AHNAK: variants seen among roughly 807,000 people sequenced by gnomAD.
AHNAK encodes neuroblast differentiation-associated protein AHNAK.
AHNAK carries 23 observed loss-of-function variants against 37.8 expected under a neutral mutation model. The observed-to-expected ratio is 0.61, with a 90% CI of 0.44 to 0.86. The LOEUF (loss-of-function observed/expected upper bound fraction) is 0.86, where lower values mean the gene tolerates loss of function less well. AHNAK is among the 40% of genes least tolerant of loss of function. The pLI, the probability that AHNAK is intolerant of heterozygous loss-of-function variation, is 0.00. For missense variants in AHNAK, 7,411 were observed against 7,319.4 expected (o/e 1.01, Z -0.46); for synonymous variants, 2,481 against 2,636.3 (o/e 0.94, Z 1.80).
In AHNAK at chr11:62,524,555, C is replaced by T; in HGVS notation, c.9862G>A (p.Val3288Ile). The change falls in exon 5 of 5, where the codon GTA becomes ATA. Residue 3288 changes from valine to isoleucine, a missense_variant. Coordinates refer to ENST00000378024, the MANE Select transcript of AHNAK (RefSeq NM_001620.3). ...GGCATGGAGATCTTGGGCATGTTTA[C>T]ATGCATGTCAGGCATCTTCAGTTTT... Reference protein sequence around the residue: ...GPKLKMPDMHVNMPKISMPEI... With the variant: ...GPKLKMPDMHINMPKISMPEI... 6.2e-7 allele frequency: 1 copy of T among 1,613,838 alleles called. No homozygotes were observed. The highest frequency in any genetic ancestry group is 8.5e-7 in the Non-Finnish European group (1 of 1,179,922).
chr11:62,521,704 G>A lies in AHNAK; in HGVS notation c.12713C>T (p.Ala4238Val), dbSNP rs370007158. 4.0e-4 allele frequency: 638 copies of A among 1,613,892 alleles called. 11 individuals are homozygous for A. In the South Asian group the frequency reaches 6.1e-3, roughly 15 times the overall value. The change falls in exon 5 of 5, where the codon GCG becomes GTG. Residue 4238 changes from alanine to valine, a missense_variant. Coordinates refer to ENST00000378024, the MANE Select transcript of AHNAK (RefSeq NM_001620.3). ...CTTGAATTTAGGGCCCTTTAGTTTC[G>A]CATCTGGACCTTCGATATTCACATC... is the stretch of plus-strand genomic sequence containing the variant. Reference protein sequence around the residue: ...VPDVNIEGPDAKLKGPKFKMP... With the variant: ...VPDVNIEGPDVKLKGPKFKMP...
chr11:62,445,492 T>C (rs2509986), intron 5 of AHNAK, among the ~76,000 whole-genome samples: 1 of 152,094 alleles, frequency 6.6e-6, no homozygotes, highest in African/African-American at 2.4e-5. Flanking sequence ...CTGGGCCCCA[T>C]GCCATCATTC....
rs868353250 is a variant in AHNAK, at chr11:62,493,440, C to T, written c.343-1609G>A. ...TCCCGGGTTCAAGCAATTCTCCTGC[C>T]TCAGCCTCCCAAGTAGCTGGGATTA... On this transcript the variant is annotated intron_variant, in intron 4 of 5. Coordinates refer to the AHNAK transcript ENST00000257247. Among the ~76,000 whole-genome samples, 3 of 151,872 alleles carry T rather than the reference C, an allele frequency of 2.0e-5. No individual in the cohort carries two copies. The South Asian group carries it at 6.3e-4, about 32-fold the overall frequency.
At position 62,515,997 on chromosome 11, in the gene AHNAK, C is replaced by T; in HGVS notation, c.*747G>A. 2 of 1,165,622 alleles carry T rather than the reference C, an allele frequency of 1.7e-6. No homozygotes were observed. Among genetic ancestry groups the T allele is most frequent in the Non-Finnish European group, 2.2e-6 (2 of 928,290 alleles). The allele number at this position is 1,165,622 out of a possible 1,614,324, so 72.2% of individuals were successfully genotyped here. On this transcript the variant is annotated 3_prime_UTR_variant, in exon 5 of 5. Coordinates refer to ENST00000378024, the MANE Select transcript of AHNAK (RefSeq NM_001620.3). ...TTAAAGTGCTGGAAATTTTCTTAAT[C>T]ATGATAACATTTGTTAAAAAGAAAT...
intron 5 of AHNAK, among the ~76,000 whole-genome samples, chr11:62,467,520 A>T (rs944426665): frequency 2.3e-4 from 35 of 152,106 alleles, no homozygotes; most frequent in African/African-American, 7.5e-4. Context: ...TCTCATCTCT[A>T]CTGAAAATAC....
intron 5 of AHNAK, among the ~76,000 whole-genome samples, chr11:62,487,584 C>G (rs1939418711): frequency 6.6e-6 from 1 of 152,228 alleles, no homozygotes; most frequent in African/African-American, 2.4e-5. Flanking sequence ...GCAACCTCCC[C>G]CTCCCGGGTT....
chr11:62,520,787 G>C lies in AHNAK; in HGVS notation c.13630C>G (p.Leu4544Val). 1 of 1,613,998 alleles carries C rather than the reference G, an allele frequency of 6.2e-7. No homozygotes were observed. Among genetic ancestry groups the C allele is most frequent in the Non-Finnish European group, 8.5e-7 (1 of 1,179,982 alleles). The change falls in exon 5 of 5, where the codon CTG becomes GTG. Residue 4544 changes from leucine to valine, a missense_variant. By Grantham distance (32) the Leu-to-Val change is conservative. Coordinates refer to ENST00000378024, the MANE Select transcript of AHNAK (RefSeq NM_001620.3). ...KGDMDISVPK[L>V]EGDLKGPKVD... The stretch of plus-strand genomic sequence containing the variant: ...TTGGGACCTTTCAGATCTCCCTCCA[G>C]TTTAGGAACGGAAATGTCCATATCT...
At chr11:62,473,079 C>G (rs1283502530) in intron 5 of AHNAK, among the ~76,000 whole-genome samples, 1 of 91,944 alleles carries the variant, frequency 1.1e-5, no homozygotes, top group African/African-American at 4.9e-5. Context: ...AGCAAGACTC[C>G]ATCTCAAAAA....
chr11:62,456,118 C>T (rs753489497), intron 5 of AHNAK, among the ~76,000 whole-genome samples: 4 of 152,102 alleles, frequency 2.6e-5, no homozygotes, highest in South Asian at 2.1e-4. Context: ...CATGTGAGGA[C>T]GCAGGGAAAA....
chr11:62,479,036 C>T (rs948362961), intron 5 of AHNAK, among the ~76,000 whole-genome samples: 3 of 151,974 alleles, frequency 2.0e-5, no homozygotes, highest in African/African-American at 7.2e-5. Flanking sequence ...CCACTGCGCT[C>T]GGCTAATTTC....
chr11:62,477,597 T>A (rs1324337974), intron 5 of AHNAK, among the ~76,000 whole-genome samples: 1 of 151,436 alleles, frequency 6.6e-6, no homozygotes, highest in South Asian at 2.1e-4. Context: ...AGGTCAGGAG[T>A]TCGAGACCAG....
intron 1 of AHNAK, among the ~76,000 whole-genome samples, chr11:62,540,801 G>A (rs1235172760): frequency 2.6e-5 from 4 of 152,176 alleles, no homozygotes; most frequent in South Asian, 2.1e-4. Context: ...CTGACGCTGC[G>A]GGACAGACTG....
Position 62,532,395 on chromosome 11 carries a change from C to G in AHNAK, c.2022G>C (p.Glu674Asp), listed in dbSNP as rs1289697581. 6.2e-7 allele frequency: 1 copy of G among 1,614,040 alleles called. No homozygotes were observed. Among genetic ancestry groups the G allele is most frequent in the African/African-American group, 1.3e-5 (1 of 74,924 alleles). Residue 674 changes from glutamate to aspartate, a missense_variant, in exon 5 of 5, where the codon GAG becomes GAC. Glu to Asp is a conservative substitution (Grantham distance 45, BLOSUM62 2). Coordinates refer to ENST00000378024, the MANE Select transcript of AHNAK (RefSeq NM_001620.3). ...VNVEAPDVNLEGLGGKLKGPD... is the reference protein window; with the variant it reads ...VNVEAPDVNLDGLGGKLKGPD... ...GGCCTTTAAGTTTTCCCCCCAGACC[C>G]TCCAAGTTGACATCTGGGGCTTCCA... is the stretch of plus-strand genomic sequence containing the variant.
intron 4 of AHNAK, among the ~76,000 whole-genome samples, chr11:62,504,391 ATTTTCTAGGAAT>A (rs1565216640): frequency 1.3e-5 from 2 of 151,904 alleles, no homozygotes; most frequent in African/African-American, 4.8e-5. Flanking sequence ...CCTAGAATTT[ATTTTCTAGGAAT>A]TTTTCTAGGA....
chr11:62,440,183 C>G (rs115027319), intron 5 of AHNAK, among the ~76,000 whole-genome samples: 1 of 152,058 alleles, frequency 6.6e-6, no homozygotes, highest in Non-Finnish European at 1.5e-5. Context: ...AGGGGGTGGC[C>G]GGGAGGTAGA....
At chr11:62,471,649 C>A (rs1939037811) in intron 5 of AHNAK, among the ~76,000 whole-genome samples, 1 of 152,144 alleles carries the variant, frequency 6.6e-6, no homozygotes, top group Non-Finnish European at 1.5e-5. Context: ...GCTCAACCTG[C>A]ACTATCACTG....
Position 62,521,167 on chromosome 11 carries a change from G to T in AHNAK, c.13250C>A (p.Pro4417His), listed in dbSNP as rs149881478. 99 of 1,613,944 alleles carry T rather than the reference G, an allele frequency of 6.1e-5. No homozygotes were observed. In the African/African-American group the frequency reaches 1.2e-3, roughly 20 times the overall value. ...ACTGGGGCCTTTTATGTCAATTTCA[G>T]GGCCCTTGAGATCACCTTCCACTTT... is the stretch of plus-strand genomic sequence containing the variant. ...LPKVEGDLKG[P>H]EIDIKGPSLD... The change falls in exon 5 of 5, where the codon CCT (proline) becomes CAT (histidine). Residue 4417 changes from proline to histidine, a missense_variant. Physicochemically the swap from Pro to His is moderately conservative, Grantham distance 77 (BLOSUM62 -2). Transcript: ENST00000378024.
intron 5 of AHNAK, among the ~76,000 whole-genome samples, chr11:62,489,982 C>T (rs1354288771): frequency 6.6e-6 from 1 of 151,800 alleles, no homozygotes; most frequent in African/African-American, 2.4e-5. Flanking sequence ...CAGAGATTTC[C>T]CTGGGCACTC....
intron 5 of AHNAK, among the ~76,000 whole-genome samples, chr11:62,434,640 C>T (rs1938119110): frequency 6.6e-6 from 1 of 152,062 alleles, no homozygotes; most frequent in African/African-American, 2.4e-5. Context: ...ACAAATCCAG[C>T]TTTCGGGCCA....
Sources: gnomAD v4.1 joint callset for allele counts (sites outside exome capture counted in the v4.1 genomes callset) on GRCh38, gnomAD v4.1.1 for gene constraint, MANE v1.5 for transcripts, NCBI Gene and HGNC (gene_info 2026-07-23, HGNC 2026-07-21) for gene names.